The following CD300LF variants were observed in gnomAD, a reference collection of about 807,000 sequenced individuals.
CD300LF encodes CMRF35-like molecule 1.
In CD300LF, 27 loss-of-function variants were observed where a neutral mutation model predicts 32.2. That is an observed-to-expected ratio of 0.84 (90% CI 0.62 to 1.15). The LOEUF is 1.15. Among genes scored for constraint, CD300LF ranks in the 50% most tolerant of loss-of-function variants. The pLI, the probability that CD300LF is intolerant of heterozygous loss-of-function variation, is 0.00. For synonymous variants in CD300LF, 139 were observed against 143.2 expected (o/e 0.97, Z 0.21); for missense variants, 348 against 356.8 (o/e 0.98, Z 0.20).
intron 3 of CD300LF, among the ~76,000 whole-genome samples, chr17:74,699,498 T>C (rs1294956225): frequency 1.3e-5 from 2 of 152,044 alleles, no homozygotes; most frequent in African/African-American, 2.4e-5. Flanking sequence ...AGAGGGAAAT[T>C]TGGACACATA....
intron 5 of CD300LF, 47 bp from the exon 6 acceptor site, chr17:74,695,906 A>G: frequency 6.3e-7 from 1 of 1,587,414 alleles, no homozygotes; most frequent in Non-Finnish European, 8.6e-7. Flanking sequence ...CTGTCTGTGG[A>G]CACAGGTTCC....
chr17:74,696,810 G>T lies in CD300LF; in HGVS notation c.560-593C>A, dbSNP rs571587991. ...GTGCTGAGCAGGTGGTGCTCCATCA[G>T]TAAAAGTTGTCTGCAGAGACAGGAA... On this transcript the variant is annotated intron_variant, in intron 4 of 6. Transcript: ENST00000326165. Among the ~76,000 whole-genome samples, 10 of 152,314 alleles carry T rather than the reference G, an allele frequency of 6.6e-5. No homozygotes were observed. The South Asian group carries it at 2.1e-3, about 32-fold the overall frequency.
intron 3 of CD300LF, among the ~76,000 whole-genome samples, chr17:74,701,170 T>A (rs1290741867): frequency 6.6e-6 from 1 of 152,236 alleles, no homozygotes; most frequent in Non-Finnish European, 1.5e-5. Flanking sequence ...CAAACTAATA[T>A]AAGGATTATC....
At chr17:74,706,916 G>A (rs1453921960) in intron 1 of CD300LF, among the ~76,000 whole-genome samples, 1 of 152,168 alleles carries the variant, frequency 6.6e-6, no homozygotes, top group African/African-American at 2.4e-5. Context: ...AAACAGTGCT[G>A]GGAAAACTCG....
At chr17:74,705,737 G>A (rs1432932548) in intron 1 of CD300LF, among the ~76,000 whole-genome samples, 1 of 152,080 alleles carries the variant, frequency 6.6e-6, no homozygotes, top group East Asian at 1.9e-4. Context: ...TGGGACTACA[G>A]GCACATGCCT....
chr17:74,707,126 T>C (rs2033585384), intron 1 of CD300LF, among the ~76,000 whole-genome samples: 1 of 151,940 alleles, frequency 6.6e-6, no homozygotes, highest in African/African-American at 2.4e-5. Context: ...AAAGCAAAAC[T>C]AGACAAATGG....
At chr17:74,708,641 A>G (rs1001202246) in intron 1 of CD300LF, among the ~76,000 whole-genome samples, 4 of 152,164 alleles carry the variant, frequency 2.6e-5, no homozygotes, top group Admixed American at 2.0e-4. Context: ...AGGAGGCTGG[A>G]CGCGGTGGCT....
chr17:74,696,162 G>C, intron 5 of CD300LF, 33 bp downstream of exon 5: 1 of 1,586,330 alleles, frequency 6.3e-7, no homozygotes, highest in South Asian at 1.2e-5. Flanking sequence ...AAGCTGCCTG[G>C]TCTCTCTGGT....
chr17:74,705,461 C>T (rs1265518242), intron 1 of CD300LF: 5 of 501,526 alleles, frequency 1.0e-5, no homozygotes, highest in Non-Finnish European at 1.8e-5. Flanking sequence ...TGTGGATTTC[C>T]CATTCTGTTC....
chr17:74,702,646 C>G (rs186369637), intron 3 of CD300LF, among the ~76,000 whole-genome samples: 1 of 152,168 alleles, frequency 6.6e-6, no homozygotes, highest in Admixed American at 6.5e-5. Context: ...GCTCCATGAC[C>G]CCACGCCCAC....
intron 3 of CD300LF, among the ~76,000 whole-genome samples, chr17:74,699,956 C>T (rs1423103998): frequency 1.3e-5 from 2 of 151,972 alleles, no homozygotes; most frequent in African/African-American, 2.4e-5. Context: ...GCCTGACCAA[C>T]ATGGTGAAAC....
chr17:74,701,341 A>C (rs754906256), intron 3 of CD300LF, among the ~76,000 whole-genome samples: 1 of 152,182 alleles, frequency 6.6e-6, no homozygotes, highest in Non-Finnish European at 1.5e-5. Flanking sequence ...TAATTCCCTT[A>C]AACAGTGACA....
intron 3 of CD300LF, among the ~76,000 whole-genome samples, chr17:74,700,958 G>A (rs1016680664): frequency 6.6e-6 from 1 of 152,004 alleles, no homozygotes; most frequent in African/African-American, 2.4e-5. Flanking sequence ...GTCATTAGAA[G>A]AGATCAGGAC....
intron 4 of CD300LF, among the ~76,000 whole-genome samples, chr17:74,696,549 G>A (rs1369219652): frequency 1.3e-5 from 2 of 152,182 alleles, no homozygotes; most frequent in Non-Finnish European, 2.9e-5. Context: ...TCCCAACTCG[G>A]CCTGGAATTC....
chr17:74,694,332 C>T lies in CD300LF; in HGVS notation c.*764G>A, dbSNP rs1369963173. ...ATTTCGTGGCTCATTAAAAACAACA[C>T]AAATTTATTCTCCTGCAATTCTGGA... On this transcript the variant is annotated 3_prime_UTR_variant, in exon 7 of 7. Coordinates refer to ENST00000326165, the MANE Select transcript of CD300LF (RefSeq NM_139018.5). The T allele has an allele frequency of 6.6e-6, 1 of 152,174 alleles. No homozygotes were observed. The highest frequency in any genetic ancestry group is 2.4e-5 in the African/African-American group (1 of 41,434). The allele number at this position is 152,174 out of a possible 1,614,324, so 9.4% of individuals were successfully genotyped here. A position where few individuals can be genotyped will look rare whatever the true frequency, so the allele number is the denominator to read the frequency against.
At chr17:74,698,987 C>T (rs1451947675) in intron 3 of CD300LF, among the ~76,000 whole-genome samples, 1 of 152,114 alleles carries the variant, frequency 6.6e-6, no homozygotes, top group South Asian at 2.1e-4. Flanking sequence ...GGCATGATCT[C>T]GGCTCACTGC....
intron 2 of CD300LF, 51 bp downstream of exon 2, chr17:74,704,427 C>G: frequency 7.7e-7 from 1 of 1,297,848 alleles, no homozygotes; most frequent in Non-Finnish European, 1.1e-6. Context: ...CCTCAGAGAC[C>G]AGGACAGAGC....
At chr17:74,698,232 C>G in intron 4 of CD300LF, 137 bp downstream of exon 4, 1 of 685,140 alleles carries the variant, frequency 1.5e-6, no homozygotes. Context: ...TCCCCTGGCA[C>G]TGCCAGCTGC....
chr17:74,695,935 G>A, intron 5 of CD300LF, 76 bp from the exon 6 acceptor site: 4 of 1,516,988 alleles, frequency 2.6e-6, no homozygotes, highest in Non-Finnish European at 3.6e-6. Context: ...GGTGGGACGG[G>A]ACGAGAGCCT....
Sources: gnomAD v4.1 joint callset for allele counts (sites outside exome capture counted in the v4.1 genomes callset) on GRCh38, gnomAD v4.1.1 for gene constraint, MANE v1.5 for transcripts, NCBI Gene and HGNC (gene_info 2026-07-23, HGNC 2026-07-21) for gene names.